The following BLK variants were observed in gnomAD, a reference collection of about 807,000 sequenced individuals.
BLK encodes the protein BLK proto-oncogene, Src family tyrosine kinase.
A neutral mutation model predicts 61.8 loss-of-function variants in BLK; 64 were observed. The ratio of observed to expected loss-of-function variants is 1.03; its 90% CI spans 0.85 to 1.27. BLK has a LOEUF of 1.27. Among genes scored for constraint, BLK ranks in the 50% most tolerant of loss-of-function variants. The pLI is 0.00. For missense variants in BLK, 853 were observed against 660.5 expected, an observed-to-expected ratio of 1.29 and a Z score of -3.19; for synonymous variants, 351 against 272.0, an observed-to-expected ratio of 1.29 and a Z score of -2.86.
intron 1 of BLK, among the ~76,000 whole-genome samples, chr8:11,525,973 A>G (rs1411685896): frequency 6.6e-6 from 1 of 152,110 alleles, no homozygotes; most frequent in Non-Finnish European, 1.5e-5. Context: ...GGGTTTCACC[A>G]TGTTGCCCAG....
rs773334241 is a variant in BLK, at chr8:11,556,650, G to A, written c.773-8G>A. 26 of 1,613,912 alleles carry A rather than the reference G, an allele frequency of 1.6e-5. No homozygotes were observed. The highest frequency in any genetic ancestry group is 4.5e-5 in the East Asian group (2 of 44,884). The stretch of plus-strand genomic sequence containing the variant: ...TTCTGATTGGCTTCTTCACTCCCCC[G>A]GGCTCAGGTTACTACAAAAACAACA... On this transcript the variant is annotated splice_polypyrimidine_tract_variant and splice_region_variant and intron_variant, in intron 8 of 12. Coordinates refer to ENST00000259089, the MANE Select transcript of BLK (RefSeq NM_001715.3).
chr8:11,531,008 G>A (rs76297890), intron 1 of BLK, among the ~76,000 whole-genome samples: 11,743 of 152,140 alleles, frequency 0.077, 609 homozygotes, highest in Non-Finnish European at 0.12. Flanking sequence ...CCAACACTTG[G>A]TATGATCGGT....
rs2254959 is a variant in BLK at position 11,555,624 on chromosome 8, C to T, written c.772+140C>T. 6,436 of 1,338,286 alleles carry T rather than the reference C, an allele frequency of 4.8e-3. 219 individuals are homozygous for T. The African/African-American group carries it at 0.075, about 16-fold the overall frequency. 82.9% of individuals were successfully genotyped at this position (1,338,286 alleles called of 1,614,324 possible). A position where few individuals can be genotyped will look rare whatever the true frequency, so the allele number is the denominator to read the frequency against. On this transcript the variant is annotated intron_variant, in intron 8 of 12. Coordinates refer to ENST00000259089, the MANE Select transcript of BLK (RefSeq NM_001715.3). ...GAGCGAGGACAGAGGCGAGGACACT[C>T]ATTTTACAGAGGAGGAAGTGGAGGT...
intron 6 of BLK, among the ~76,000 whole-genome samples, chr8:11,550,475 A>G (rs908282572): frequency 6.6e-6 from 1 of 152,242 alleles, no homozygotes; most frequent in Non-Finnish European, 1.5e-5. Context: ...CCACCTGGGC[A>G]CAGGAAGCCG....
At chr8:11,530,959 T>A (rs1563445803) in intron 1 of BLK, among the ~76,000 whole-genome samples, 1 of 152,240 alleles carries the variant, frequency 6.6e-6, no homozygotes, top group African/African-American at 2.4e-5. Flanking sequence ...CACCTTACCA[T>A]CAGCCTCAGG....
intron 1 of BLK, among the ~76,000 whole-genome samples, chr8:11,520,223 T>C (rs909453661): frequency 2.0e-5 from 3 of 152,038 alleles, no homozygotes; most frequent in Non-Finnish European, 4.4e-5. Flanking sequence ...ACAAGTGTAA[T>C]CCCAGCACTT....
intron 1 of BLK, among the ~76,000 whole-genome samples, chr8:11,501,150 G>A (rs1798545922): frequency 6.6e-6 from 1 of 152,034 alleles, no homozygotes; most frequent in African/African-American, 2.4e-5. Flanking sequence ...TCTCAGCAGT[G>A]AGCTGAGACT....
In BLK at chr8:11,543,281, C is replaced by T; in HGVS notation, c.57C>T (p.Asp19=). Residue 19 remains aspartate (D), a synonymous_variant, in exon 2 of 13, where the codon GAC becomes GAT. Transcript: ENST00000259089. Reference sequence around the variant, plus strand: ...AGGAAAAGCCGATCAAAGAGAAGGACAAGGGCCAATGGAGCCCCCTGAAGG... The same window carrying T: ...AGGAAAAGCCGATCAAAGAGAAGGATAAGGGCCAATGGAGCCCCCTGAAGG... ...PDKEKPIKEK[D]KGQWSPLKVS... is the part of the protein sequence containing the mutation. 5.6e-6 allele frequency: 9 copies of T among 1,614,042 alleles called. No homozygotes were observed. Among genetic ancestry groups the T allele is most frequent in the Non-Finnish European group, 6.8e-6 (8 of 1,180,024 alleles).
At chr8:11,535,089 G>A (rs558241099) in intron 1 of BLK, among the ~76,000 whole-genome samples, 1 of 151,918 alleles carries the variant, frequency 6.6e-6, no homozygotes, top group South Asian at 2.1e-4. Flanking sequence ...GAGGTGGGAG[G>A]ATCACTTGAG....
At chr8:11,495,049 G>A (rs1798314515) in intron 1 of BLK, among the ~76,000 whole-genome samples, 1 of 152,208 alleles carries the variant, frequency 6.6e-6, no homozygotes, top group African/African-American at 2.4e-5. Context: ...TTATTTGTTT[G>A]TTTCTGAATG....
chr8:11,523,519 C>T (rs1013396712), intron 1 of BLK, among the ~76,000 whole-genome samples: 1 of 152,164 alleles, frequency 6.6e-6, no homozygotes, highest in Non-Finnish European at 1.5e-5. Flanking sequence ...CGCCACTATA[C>T]ACCAGCCTGG....
At chr8:11,515,914 G>T (rs377508354) in intron 1 of BLK, among the ~76,000 whole-genome samples, 3 of 152,218 alleles carry the variant, frequency 2.0e-5, no homozygotes, top group Non-Finnish European at 4.4e-5. Context: ...ATACCCAGGG[G>T]CATTGCCTGT....
At chr8:11,499,993 C>T (rs1798496305) in intron 1 of BLK, among the ~76,000 whole-genome samples, 1 of 151,984 alleles carries the variant, frequency 6.6e-6, no homozygotes, top group Admixed American at 6.6e-5. Flanking sequence ...TAAACAAATA[C>T]AAGCAGGACA....
At chr8:11,506,175 A>G (rs1471079300) in intron 1 of BLK, among the ~76,000 whole-genome samples, 3 of 152,150 alleles carry the variant, frequency 2.0e-5, no homozygotes, top group African/African-American at 7.2e-5. Flanking sequence ...CTGGCTCTGG[A>G]GCTGTCTCTT....
chr8:11,545,648 A>T (rs1195651756), intron 2 of BLK: 2 of 301,326 alleles, frequency 6.6e-6, no homozygotes, highest in Non-Finnish European at 1.3e-5. Context: ...TCTCTACAGG[A>T]TATATACCTA....
intron 3 of BLK, among the ~76,000 whole-genome samples, chr8:11,547,754 C>T (rs1318294260): frequency 6.6e-6 from 1 of 152,080 alleles, no homozygotes; most frequent in Non-Finnish European, 1.5e-5. Context: ...GTGGCTGCCT[C>T]CCTGTGGCTG....
intron 1 of BLK, among the ~76,000 whole-genome samples, chr8:11,536,531 C>T (rs567854127): frequency 5.6e-4 from 86 of 152,278 alleles, no homozygotes; most frequent in African/African-American, 2.0e-3. Context: ...GCTGGGATTA[C>T]AGGCATGCGC....
chr8:11,514,453 G>A (rs144831397), intron 1 of BLK, among the ~76,000 whole-genome samples: 1 of 152,234 alleles, frequency 6.6e-6, no homozygotes, highest in Non-Finnish European at 1.5e-5. Context: ...GGCCCAGCAG[G>A]CCATCCCAGG....
At chr8:11,535,817 T>C (rs1585375794) in intron 1 of BLK, among the ~76,000 whole-genome samples, 1 of 152,280 alleles carries the variant, frequency 6.6e-6, no homozygotes, top group African/African-American at 2.4e-5. Context: ...TTGAATCTAA[T>C]GGAGCCTACA....
Sources: allele counts gnomAD v4.1 joint callset (sites outside exome capture counted in the v4.1 genomes callset), GRCh38; gene constraint gnomAD v4.1.1; transcripts MANE v1.5; gene names NCBI Gene and HGNC (gene_info 2026-07-23, HGNC 2026-07-21).